IMPACT: variants seen among roughly 807,000 people sequenced by gnomAD.
The protein encoded by IMPACT is protein IMPACT.
Under a neutral mutation model 47.5 loss-of-function variants are expected in IMPACT, and 35 were observed. The ratio of observed to expected loss-of-function variants is 0.74; its 90% CI spans 0.56 to 0.98. The LOEUF is 0.98. Ranked by LOEUF, IMPACT falls within the 50% of genes least tolerant of loss-of-function variation. The probability of loss-of-function intolerance (pLI) is 0.00; values close to 1 mark genes in which losing one functional copy is unlikely to be tolerated. For missense variants in IMPACT, 373 were observed against 394.8 expected (o/e 0.94, Z 0.47); for synonymous variants, 118 against 125.6 (o/e 0.94, Z 0.40).
rs1909402785 is a variant in IMPACT at position 24,452,152 on chromosome 18, T to G, written c.*1305T>G. On this transcript the variant is annotated 3_prime_UTR_variant, in exon 11 of 11. Transcript: ENST00000284202. The stretch of plus-strand genomic sequence containing the variant: ...AAGCACAGAGAATTGGACAAACAGG[T>G]CTTTTTCTCTTTTCTCTGATGTTTT... 1 of 152,188 alleles carries G rather than the reference T, an allele frequency of 6.6e-6. No homozygotes were observed. Among genetic ancestry groups the G allele is most frequent in the Non-Finnish European group, 1.5e-5 (1 of 68,034 alleles). 9.4% of individuals were successfully genotyped at this position (152,188 alleles called of 1,614,324 possible).
intron 4 of IMPACT, 71 bp downstream of exon 4, chr18:24,430,455 AC>A (rs1568085119): frequency 1.7e-6 from 2 of 1,194,398 alleles, no homozygotes; most frequent in African/African-American, 3.1e-5. Context: ...GAACCTGTGA[AC>A]CCTTTGTTAG....
rs754002159 is a variant in IMPACT at position 24,449,917 on chromosome 18, A to G, written c.858A>G (p.Arg286=). ...TTAAACATATCAACAACTGTGCCAG[A>G]AACATACTAGTGGAAAAGAACTACA... is the stretch of plus-strand genomic sequence containing the variant. The part of the protein sequence containing the change: ...DRFKHINNCA[R]NILVEKNYTN... The change falls in exon 10 of 11, where the codon AGA becomes AGG. Residue 286 remains arginine (R), a synonymous_variant. Transcript: ENST00000284202. 1 of 1,614,096 alleles carries G rather than the reference A, an allele frequency of 6.2e-7. No homozygotes were observed. Among genetic ancestry groups the G allele is most frequent in the South Asian group, 1.1e-5 (1 of 91,084 alleles).
At chr18:24,443,550 A>T (rs1191113150) in intron 7 of IMPACT, among the ~76,000 whole-genome samples, 1 of 152,198 alleles carries the variant, frequency 6.6e-6, no homozygotes, top group Non-Finnish European at 1.5e-5. Context: ...AATAAGAAAT[A>T]CCCATTGTGT....
chr18:24,450,650 TATAC>T (rs1202043636), intron 10 of IMPACT, 125 bp from the exon 11 acceptor site: 25 of 584,844 alleles, frequency 4.3e-5, no homozygotes, highest in Admixed American at 2.7e-4. Flanking sequence ...CTGTAACATA[TATAC>T]ATACATACAT....
intron 8 of IMPACT, among the ~76,000 whole-genome samples, chr18:24,447,117 C>T (rs1909267753): frequency 6.6e-6 from 1 of 152,028 alleles, no homozygotes; most frequent in African/African-American, 2.4e-5. Flanking sequence ...CTTTAATGTT[C>T]ATAGTAGATG....
chr18:24,432,649 C>A (rs1908786754), intron 4 of IMPACT, among the ~76,000 whole-genome samples: 1 of 151,606 alleles, frequency 6.6e-6, no homozygotes, highest in South Asian at 2.1e-4. Context: ...ACTTTTGTGC[C>A]CCCAACAAAC....
At position 24,443,129 on chromosome 18, in the gene IMPACT, G is replaced by C; in HGVS notation, c.571G>C (p.Ala191Pro). Reference sequence around the variant, plus strand: ...AAGAAGTACTTTTCAGGCACACTTGGCTCCAGTGGTTTGTCCCAAACAGGT... The same window carrying C: ...AAGAAGTACTTTTCAGGCACACTTGCCTCCAGTGGTTTGTCCCAAACAGGT... Reference protein sequence around the residue: ...DRRSTFQAHLAPVVCPKQVKM... With the variant: ...DRRSTFQAHLPPVVCPKQVKM... Residue 191 changes from alanine (A) to proline (P), a missense_variant, in exon 7 of 11, where the codon GCT becomes CCT. Physicochemically the swap from Ala to Pro is conservative, Grantham distance 27 (BLOSUM62 -1). Coordinates refer to ENST00000284202, the MANE Select transcript of IMPACT (RefSeq NM_018439.4). The C allele has an allele frequency of 1.2e-6, 2 of 1,601,106 alleles. No individual in the cohort carries two copies. The highest frequency in any genetic ancestry group is 1.7e-6 in the Non-Finnish European group (2 of 1,170,220).
chr18:24,429,024 G>C, intron 3 of IMPACT, 103 bp downstream of exon 3: 2 of 688,850 alleles, frequency 2.9e-6, no homozygotes, highest in Non-Finnish European at 4.7e-6. Context: ...TTATTAACAT[G>C]TATATAGAAA....
intron 4 of IMPACT, among the ~76,000 whole-genome samples, chr18:24,436,432 A>C (rs531070106): frequency 6.6e-6 from 1 of 152,048 alleles, no homozygotes; most frequent in South Asian, 2.1e-4. Context: ...TTTCTTACAG[A>C]AACGGAGTCT....
intron 3 of IMPACT, 91 bp from the exon 4 acceptor site, chr18:24,430,231 A>G (rs1908716894): frequency 3.5e-6 from 3 of 849,870 alleles, no homozygotes; most frequent in Non-Finnish European, 5.4e-6. Context: ...AATTTTTTAA[A>G]GCCAAAAAAA....
At chr18:24,427,895 T>C (rs756922201) in intron 1 of IMPACT, 24 bp from the exon 2 acceptor site, 2 of 1,590,658 alleles carry the variant, frequency 1.3e-6, no homozygotes, top group East Asian at 2.2e-5. Flanking sequence ...ATTTGTTGAC[T>C]TTTAAAAAAT....
At chr18:24,432,984 A>G (rs565439206) in intron 4 of IMPACT, among the ~76,000 whole-genome samples, 1 of 152,100 alleles carries the variant, frequency 6.6e-6, no homozygotes, top group South Asian at 2.1e-4. Context: ...ATACCTTCCC[A>G]CAGGACGCAA....
chr18:24,452,036 T>G lies in IMPACT; in HGVS notation c.*1189T>G, dbSNP rs1909400515. The G allele has an allele frequency of 6.6e-6, 1 of 152,194 alleles. No homozygotes were observed. The highest frequency in any genetic ancestry group is 2.4e-5 in the African/African-American group (1 of 41,436). The allele number at this position is 152,194 out of a possible 1,614,324, so 9.4% of individuals were successfully genotyped here. ...TGTAATGGCAAACAATTGTTAAAAG[T>G]TATTAACTGATCACAGATTTGCCTG... On this transcript the variant is annotated 3_prime_UTR_variant, in exon 11 of 11. Coordinates refer to ENST00000284202, the MANE Select transcript of IMPACT (RefSeq NM_018439.4).
intron 4 of IMPACT, among the ~76,000 whole-genome samples, 169 bp downstream of exon 4, chr18:24,430,553 A>G (rs551489758): frequency 1.3e-4 from 20 of 152,308 alleles, no homozygotes; most frequent in Admixed American, 3.3e-4. Context: ...ATATAATTTT[A>G]TATATACATT....
chr18:24,428,647 GT>G, intron 2 of IMPACT, among the ~76,000 whole-genome samples: 1 of 152,280 alleles, frequency 6.6e-6, no homozygotes, highest in Non-Finnish European at 1.5e-5. Flanking sequence ...AGTTAATGGT[GT>G]TTCCTAGGAT....
rs1393788933 is a variant in IMPACT at position 24,450,105 on chromosome 18, G to A, written c.894+152G>A. The stretch of plus-strand genomic sequence containing the variant: ...CCTGGAGACCTAGACTCTAAACAGT[G>A]TGTCTGGCCAGTCACGTGACTTTGG... On this transcript the variant is annotated intron_variant, in intron 10 of 10. Coordinates refer to ENST00000284202, the MANE Select transcript of IMPACT (RefSeq NM_018439.4). The A allele has an allele frequency of 1.4e-5, 11 of 770,648 alleles. No individual in the cohort carries two copies. The Middle Eastern group carries it at 1.1e-3, about 78-fold the overall frequency. 47.7% of individuals were successfully genotyped at this position (770,648 alleles called of 1,614,324 possible). A position where few individuals can be genotyped will look rare whatever the true frequency, so the allele number is the denominator to read the frequency against.
Position 24,426,674 on chromosome 18 carries a change from A to T in IMPACT, c.-83A>T, listed in dbSNP as rs995080497. 1.3e-4 allele frequency: 139 copies of T among 1,062,684 alleles called. 1 individual carries two copies. Among genetic ancestry groups the T allele is most frequent in the Non-Finnish European group, 8.4e-5 (70 of 834,516 alleles). 65.8% of individuals were successfully genotyped at this position (1,062,684 alleles called of 1,614,324 possible). A position where few individuals can be genotyped will look rare whatever the true frequency, so the allele number is the denominator to read the frequency against. On this transcript the variant is annotated 5_prime_UTR_variant, in exon 1 of 11. Coordinates refer to ENST00000284202, the MANE Select transcript of IMPACT (RefSeq NM_018439.4). ...TTCCGGGTCGGGCCGCGCCGCAGCC[A>T]GCTCTCGGCTCGCAGCCGCAGCGCC...
At chr18:24,430,474 C>G in intron 4 of IMPACT, 90 bp downstream of exon 4, 6 of 902,946 alleles carry the variant, frequency 6.6e-6, no homozygotes, top group Admixed American at 5.3e-5. Context: ...TAGAACCTCT[C>G]TAAACTTTTT....
chr18:24,447,462 A>C (rs1174855767), intron 8 of IMPACT, among the ~76,000 whole-genome samples: 3 of 152,076 alleles, frequency 2.0e-5, no homozygotes, highest in Non-Finnish European at 4.4e-5. Flanking sequence ...ATTATTTCAG[A>C]TATAGCTTTC....
Sources: allele counts gnomAD v4.1 joint callset (sites outside exome capture counted in the v4.1 genomes callset), GRCh38; gene constraint gnomAD v4.1.1; transcripts MANE v1.5; gene names NCBI Gene and HGNC (gene_info 2026-07-23, HGNC 2026-07-21).